FAM72A: variants seen among roughly 807,000 people sequenced by gnomAD.
FAM72A encodes the protein protein FAM72A.
FAM72A carries 1 observed loss-of-function variant against 11.3 expected under a neutral mutation model. That is an observed-to-expected ratio of 0.09 (90% CI 0.03 to 0.42). The LOEUF (loss-of-function observed/expected upper bound fraction) is 0.42. Among genes scored for constraint, FAM72A ranks in the 10% least tolerant of loss-of-function variants. The pLI is 0.98. For synonymous variants in FAM72A, 5 were observed against 46.9 expected (o/e 0.11, Z 3.65); for missense variants, 15 against 135.5 (o/e 0.11, Z 4.41).
intron 3 of FAM72A, among the ~76,000 whole-genome samples, chr1:206,191,674 A>T (rs1246041708): frequency 4.5e-5 from 6 of 131,972 alleles, no homozygotes; most frequent in African/African-American, 6.7e-5. Flanking sequence ...GGAAAAAGAA[A>T]TTTTTTTTTT....
At chr1:206,203,474 C>T, upstream of FAM72A, 1 of 420,430 alleles carries the variant, frequency 2.4e-6, no homozygotes, top group Non-Finnish European at 4.2e-6. Context: ...AGAAAACGGG[C>T]GGTGATTGGT....
At chr1:206,196,762 C>T (rs1665079067) in intron 2 of FAM72A, among the ~76,000 whole-genome samples, 1 of 149,846 alleles carries the variant, frequency 6.7e-6, no homozygotes, top group South Asian at 2.1e-4. Flanking sequence ...AATTATCCAG[C>T]TGATTATAAG....
intron 2 of FAM72A, among the ~76,000 whole-genome samples, chr1:206,196,355 A>T (rs1665055386): frequency 3.2e-5 from 2 of 61,996 alleles, no homozygotes; most frequent in South Asian, 1.3e-3. Context: ...AAGTGCTGGG[A>T]TTACAGGCAT....
rs1665445567 is a variant in FAM72A, at chr1:206,202,797, C to T, written c.-772G>A. ...GGTGTTGGTGGGGCAGAGCTGAAGTCGCTTTAGAGGCTCAGTCGGCGCTGG... is the reference window on the plus strand; with the variant it reads ...GGTGTTGGTGGGGCAGAGCTGAAGTTGCTTTAGAGGCTCAGTCGGCGCTGG... On this transcript the variant is annotated 5_prime_UTR_variant, in exon 1 of 4. Transcript: ENST00000367128. 1.3e-5 allele frequency: 1 copy of T among 79,636 alleles called. No homozygotes were observed. Among genetic ancestry groups the T allele is most frequent in the African/African-American group, 5.3e-5 (1 of 18,952 alleles). The allele number at this position is 79,636 out of a possible 1,614,324, so 4.9% of individuals were successfully genotyped here.
rs1665440554 is a variant in FAM72A at position 206,202,747 on chromosome 1, G to A, written c.-722C>T. 2.4e-5 allele frequency: 1 copy of A among 40,908 alleles called. No homozygotes were observed. The highest frequency in any genetic ancestry group is 1.1e-4 in the African/African-American group (1 of 9,492). 2.5% of individuals were successfully genotyped at this position (40,908 alleles called of 1,614,324 possible). ...CGCAGTCCCCTCAGGTTTCTTCCCG[G>A]AGCGGCTGTTCCCGGGCGCGCGGTG... On this transcript the variant is annotated 5_prime_UTR_variant, in exon 1 of 4. Coordinates refer to ENST00000367128, the MANE Select transcript of FAM72A (RefSeq NM_001123168.3).
At chr1:206,196,678 G>A (rs1292890837) in intron 2 of FAM72A, among the ~76,000 whole-genome samples, 1 of 126,014 alleles carries the variant, frequency 7.9e-6, no homozygotes, top group African/African-American at 3.3e-5. Flanking sequence ...TAGTCTCAGT[G>A]TTTTTGAAGG....
At chr1:206,199,933 A>AT in intron 1 of FAM72A, 49 bp from the exon 2 acceptor site, 1 of 642,376 alleles carries the variant, frequency 1.6e-6, no homozygotes, top group Non-Finnish European at 2.8e-6. Flanking sequence ...TTTACAAAAA[A>AT]TTTAATTGTG....
At chr1:206,193,136 C>T (rs1215859735) in intron 3 of FAM72A, among the ~76,000 whole-genome samples, 1 of 151,684 alleles carries the variant, frequency 6.6e-6, no homozygotes, top group African/African-American at 2.4e-5. Context: ...TGGTCTCGAA[C>T]TCCCAACCTC....
chr1:206,187,389 C>A lies in FAM72A; in HGVS notation c.356-16G>T. On this transcript the variant is annotated splice_polypyrimidine_tract_variant and intron_variant, in intron 3 of 3. Coordinates refer to ENST00000367128, the MANE Select transcript of FAM72A (RefSeq NM_001123168.3). ...ACGTTTACACCTGAAAATAAAAAGT[C>A]ATAAAATTCTTTAATGCTTACTACT... The A allele has an allele frequency of 6.2e-7, 1 of 1,611,008 alleles. No homozygotes were observed. Among genetic ancestry groups the A allele is most frequent in the Non-Finnish European group, 8.5e-7 (1 of 1,179,450 alleles).
chr1:206,198,565 C>G (rs1290828889), intron 2 of FAM72A, among the ~76,000 whole-genome samples: 21 of 148,968 alleles, frequency 1.4e-4, no homozygotes, highest in African/African-American at 4.2e-4. Flanking sequence ...ATTTATAATA[C>G]AAACCCCTTC....
chr1:206,199,019 TTGTGG>T lies in FAM72A; in HGVS notation c.230+783_230+787del, dbSNP rs1383248824. Among the ~76,000 whole-genome samples the T allele has an allele frequency of 2.3e-5, 3 of 130,358 alleles. No individual in the cohort carries two copies. The East Asian group carries it at 6.7e-4, about 29-fold the overall frequency. The allele number at this position is 130,358 out of a possible 152,430, so 85.5% of individuals were successfully genotyped here. A position where few individuals can be genotyped will look rare whatever the true frequency, so the allele number is the denominator to read the frequency against. ...ATCACTTGAACCTGGGAGGTGGAGGTTGTGGTGAGCTTAGATCGCGCCATTGCACT... is the reference window on the plus strand; with the variant it reads ...ATCACTTGAACCTGGGAGGTGGAGGTTGAGCTTAGATCGCGCCATTGCACT... On this transcript the variant is annotated intron_variant, in intron 2 of 3. Coordinates refer to ENST00000367128, the MANE Select transcript of FAM72A (RefSeq NM_001123168.3).
intron 3 of FAM72A, among the ~76,000 whole-genome samples, chr1:206,191,734 T>A (rs1404593887): frequency 6.9e-6 from 1 of 144,066 alleles, no homozygotes; most frequent in African/African-American, 2.6e-5. Flanking sequence ...ATTTTTTTTT[T>A]TTTTTTTTTT....
At chr1:206,196,659 C>T (rs1665072955) in intron 2 of FAM72A, among the ~76,000 whole-genome samples, 1 of 105,272 alleles carries the variant, frequency 9.5e-6, no homozygotes, top group African/African-American at 4.3e-5. Context: ...AATCTGGCTG[C>T]TCTAATTTTA....
At chr1:206,204,784 T>TC (rs1367971246), upstream of FAM72A, 3 of 117,542 alleles carry the variant, frequency 2.6e-5, no homozygotes, top group African/African-American at 1.2e-4. Context: ...ACGGCTGCCT[T>TC]CCGCTCGCCG....
intron 3 of FAM72A, among the ~76,000 whole-genome samples, chr1:206,193,473 G>A (rs1436499404): frequency 2.0e-5 from 3 of 152,186 alleles, no homozygotes; most frequent in South Asian, 4.1e-4. Context: ...GATTATAGGC[G>A]TGAACCACTG....
At chr1:206,187,571 G>T (rs1171718433) in intron 3 of FAM72A, among the ~76,000 whole-genome samples, 198 bp from the exon 4 acceptor site, 3 of 151,878 alleles carry the variant, frequency 2.0e-5, no homozygotes, top group African/African-American at 4.8e-5. Flanking sequence ...TATTTATTTT[G>T]AGAGAAATTC....
At position 206,190,807 on chromosome 1, in the gene FAM72A, G is replaced by C. The variant is rs541562594; in HGVS notation, c.356-3434C>G. ...AATGGCTTGAGCCTGGGAGGTCGAG[G>C]CTGCAGTGAGCCAAGATTGTGCCAC... On this transcript the variant is annotated intron_variant, in intron 3 of 3. Coordinates refer to ENST00000367128, the MANE Select transcript of FAM72A (RefSeq NM_001123168.3). Among the ~76,000 whole-genome samples the C allele has an allele frequency of 5.4e-4, 81 of 151,196 alleles. 1 individual carries two copies. The South Asian group carries it at 0.015, about 29-fold the overall frequency.
At chr1:206,190,784 T>C (rs2102377159) in intron 3 of FAM72A, among the ~76,000 whole-genome samples, 1 of 150,536 alleles carries the variant, frequency 6.6e-6, no homozygotes, top group African/African-American at 2.5e-5. Context: ...GGTGGAAGAA[T>C]GGCTTGAGCC....
At chr1:206,203,469 A>T (rs542391946), upstream of FAM72A, 9,155 of 418,662 alleles carry the variant, frequency 0.022, 138 homozygotes, top group Non-Finnish European at 0.03. Context: ...TCGATAGAAA[A>T]CGGGCGGTGA....
Sources: gnomAD v4.1 joint callset for allele counts (sites outside exome capture counted in the v4.1 genomes callset) on GRCh38, gnomAD v4.1.1 for gene constraint, MANE v1.5 for transcripts, NCBI Gene and HGNC (gene_info 2026-07-23, HGNC 2026-07-21) for gene names.